The following BICRAL variants were observed in gnomAD, a reference collection of about 807,000 sequenced individuals.
The protein encoded by BICRAL is BICRA like chromatin remodeling complex associated protein.
Under a neutral mutation model 91.8 loss-of-function variants are expected in BICRAL, and 8 were observed. The observed-to-expected ratio is 0.09, with a 90% CI of 0.05 to 0.16. BICRAL has a LOEUF of 0.16. Among genes scored for constraint, BICRAL ranks in the 10% least tolerant of loss-of-function variants. The probability of loss-of-function intolerance (pLI) is 1.00; values close to 1 mark genes in which losing one functional copy is unlikely to be tolerated. For synonymous variants in BICRAL, 445 were observed against 491.1 expected, an observed-to-expected ratio of 0.91 and a Z score of 1.24; for missense variants, 1,038 against 1,310.9, an observed-to-expected ratio of 0.79 and a Z score of 3.21.
intron 2 of BICRAL, among the ~76,000 whole-genome samples, chr6:42,816,850 T>C (rs926256483): frequency 7.9e-5 from 12 of 151,568 alleles, no homozygotes; most frequent in Admixed American, 5.9e-4. Flanking sequence ...CAGTCTCTAC[T>C]AAAAATACAA....
At chr6:42,786,013 C>T (rs1763095721) in intron 1 of BICRAL, among the ~76,000 whole-genome samples, 1 of 151,944 alleles carries the variant, frequency 6.6e-6, no homozygotes, top group African/African-American at 2.4e-5. Context: ...TGAGATCGCG[C>T]CACTGCACTC....
upstream of BICRAL, chr6:42,781,861 A>G (rs1403788279): frequency 6.7e-6 from 1 of 148,608 alleles, no homozygotes; most frequent in Admixed American, 6.7e-5. Flanking sequence ...GTTTGGAGGT[A>G]GACGAGCAGG....
Position 42,764,883 on chromosome 6 carries a change from TCTC to T in BICRAL, c.-260-16953_-260-16951del, listed in dbSNP as rs1359502939. ...ACCGTATTAGCCAGGATGGTCTTGA[TCTC>T]CTGACCTTGTGATCCACCCGCCTCA... On this transcript the variant is annotated intron_variant, in intron 1 of 14. Coordinates refer to the BICRAL transcript ENST00000614467. Among the ~76,000 whole-genome samples, 3 of 152,134 alleles carry T rather than the reference TCTC, an allele frequency of 2.0e-5. No individual in the cohort carries two copies. The East Asian group carries it at 5.8e-4, about 29-fold the overall frequency.
At position 42,865,178 on chromosome 6, in the gene BICRAL, T is replaced by C. The variant is rs1765677114; in HGVS notation, c.2972T>C (p.Met991Thr). ...AATGAAGTTTTACACACAGACATCATGAAAGGGTCAGGCGAACCCCAGCCA... is the reference window on the plus strand; with the variant it reads ...AATGAAGTTTTACACACAGACATCACGAAAGGGTCAGGCGAACCCCAGCCA... The part of the protein sequence containing the change: ...PKNEVLHTDI[M>T]KGSGEPQPDL... The change falls in exon 13 of 13, where the codon ATG (methionine) becomes ACG (threonine). Residue 991 changes from methionine (M) to threonine (T), a missense_variant. This residue lies in a region of BICRAL where 92 missense variants were observed against 147.8 expected (regional missense o/e 0.62). Coordinates refer to ENST00000314073, the MANE Select transcript of BICRAL (RefSeq NM_001393499.1). The C allele has an allele frequency of 1.2e-5, 19 of 1,614,110 alleles. No homozygotes were observed. The highest frequency in any genetic ancestry group is 1.6e-5 in the Non-Finnish European group (19 of 1,180,016).
intron 1 of BICRAL, among the ~76,000 whole-genome samples, chr6:42,752,745 A>G (rs1051709424): frequency 2.0e-4 from 31 of 152,076 alleles, no homozygotes; most frequent in African/African-American, 7.5e-4. Context: ...CTGGGATTAC[A>G]GGCACACACC....
chr6:42,815,188 T>TC, intron 2 of BICRAL, among the ~76,000 whole-genome samples: 1 of 140,982 alleles, frequency 7.1e-6, no homozygotes, highest in East Asian at 2.0e-4. Flanking sequence ...AGAATATCTT[T>TC]TTTTTTTTTT....
At position 42,814,460 on chromosome 6, in the gene BICRAL, TATAC is replaced by T. The variant is rs1300319622; in HGVS notation, c.-6+4067_-6+4070del. Among the ~76,000 whole-genome samples the T allele has an allele frequency of 8.4e-5, 12 of 142,100 alleles. No individual in the cohort carries two copies. The South Asian group carries it at 1.1e-3, about 13-fold the overall frequency. 93.2% of individuals were successfully genotyped at this position (142,100 alleles called of 152,430 possible). On this transcript the variant is annotated intron_variant, in intron 2 of 12. Transcript: ENST00000314073. ...ACATGTATGTATATGTATATATACG[TATAC>T]ATACATATACATGCATGTGTGTGTG...
intron 6 of BICRAL, among the ~76,000 whole-genome samples, chr6:42,841,988 G>A (rs1764811671): frequency 6.6e-6 from 1 of 152,180 alleles, no homozygotes; most frequent in Non-Finnish European, 1.5e-5. Context: ...AGGTGAATCA[G>A]CAGTTCCAGT....
intron 2 of BICRAL, among the ~76,000 whole-genome samples, chr6:42,814,364 C>CATATGT (rs1356556773): frequency 1.4e-5 from 2 of 141,984 alleles, no homozygotes; most frequent in African/African-American, 2.6e-5. Flanking sequence ...TATACATACA[C>CATATGT]ATATGTATAT....
chr6:42,793,418 C>T (rs1319721241), intron 1 of BICRAL, among the ~76,000 whole-genome samples: 2 of 147,448 alleles, frequency 1.4e-5, no homozygotes, highest in East Asian at 4.0e-4. Flanking sequence ...TCCCAAAGTG[C>T]TGGGATTACA....
intron 6 of BICRAL, among the ~76,000 whole-genome samples, chr6:42,832,838 G>C (rs1181664187): frequency 6.6e-6 from 1 of 151,940 alleles, no homozygotes; most frequent in African/African-American, 2.4e-5. Context: ...TGTAACAGCA[G>C]GGGCATTCTC....
intron 1 of BICRAL, among the ~76,000 whole-genome samples, chr6:42,793,814 G>A (rs1265389015): frequency 6.9e-6 from 1 of 144,654 alleles, no homozygotes; most frequent in African/African-American, 2.6e-5. Context: ...TGTTGCCCGG[G>A]CTGGAGTACA....
chr6:42,786,172 T>C (rs1330433280), intron 1 of BICRAL, among the ~76,000 whole-genome samples: 1 of 152,256 alleles, frequency 6.6e-6, no homozygotes, highest in Non-Finnish European at 1.5e-5. Flanking sequence ...TTGTGCTTTC[T>C]CTTGTTGATT....
chr6:42,859,285 G>A (rs1029254194), intron 10 of BICRAL, among the ~76,000 whole-genome samples: 26 of 151,836 alleles, frequency 1.7e-4, no homozygotes, highest in African/African-American at 6.0e-4. Context: ...CCAGCTACTC[G>A]GGAGGCTGAG....
At chr6:42,808,206 A>AC (rs1198928866) in intron 1 of BICRAL, among the ~76,000 whole-genome samples, 1 of 150,172 alleles carries the variant, frequency 6.7e-6, no homozygotes, top group African/African-American at 2.5e-5. Flanking sequence ...ATCTTGGCTC[A>AC]CTGCAACCTT....
At chr6:42,853,175 T>C (rs564990124) in intron 7 of BICRAL, among the ~76,000 whole-genome samples, 1 of 152,014 alleles carries the variant, frequency 6.6e-6, no homozygotes, top group Non-Finnish European at 1.5e-5. Flanking sequence ...ACTGAAAATA[T>C]TATGGACTAT....
chr6:42,865,689 C>T lies in BICRAL; in HGVS notation c.*243C>T, dbSNP rs1045725490. On this transcript the variant is annotated 3_prime_UTR_variant, in exon 13 of 13. Coordinates refer to ENST00000314073, the MANE Select transcript of BICRAL (RefSeq NM_001393499.1). ...CCTTGGCAGAAAGCAGTCTGATAGG[C>T]CCCACTCATTTCAAGTGTTATGAAA... 3.9e-5 allele frequency: 19 copies of T among 484,070 alleles called. No homozygotes were observed. Among genetic ancestry groups the T allele is most frequent in the Non-Finnish European group, 7.0e-5 (19 of 273,352 alleles). The allele number at this position is 484,070 out of a possible 1,614,324, so 30.0% of individuals were successfully genotyped here. A position where few individuals can be genotyped will look rare whatever the true frequency, so the allele number is the denominator to read the frequency against.
At chr6:42,754,651 G>A (rs941253441) in intron 1 of BICRAL, among the ~76,000 whole-genome samples, 3 of 152,222 alleles carry the variant, frequency 2.0e-5, no homozygotes, top group Non-Finnish European at 4.4e-5. Context: ...CAGCACTTTG[G>A]AAGGCTGGGG....
chr6:42,846,396 T>C (rs73428500), intron 6 of BICRAL, among the ~76,000 whole-genome samples: 10,998 of 151,228 alleles, frequency 0.073, 483 homozygotes, highest in South Asian at 0.14. Flanking sequence ...ATAAGTTAAA[T>C]AAATAAATAA....
Sources: gnomAD v4.1 joint callset for allele counts (sites outside exome capture counted in the v4.1 genomes callset) on GRCh38, gnomAD v4.1.1 for gene constraint, gnomAD v4.1.1 regional missense constraint, MANE v1.5 for transcripts, NCBI Gene and HGNC (gene_info 2026-07-23, HGNC 2026-07-21) for gene names.